Variants in CRPPA observed in about 807,000 individuals in gnomAD.
CRPPA encodes the protein CDP-L-ribitol pyrophosphorylase A, also known as D-ribitol-5-phosphate cytidylyltransferase.
Under a neutral mutation model 52.0 loss-of-function variants are expected in CRPPA, and 43 were observed. The ratio of observed to expected loss-of-function variants is 0.83; its 90% CI spans 0.65 to 1.07. The LOEUF (loss-of-function observed/expected upper bound fraction) is 1.07. Ranked by LOEUF, CRPPA falls within the 50% of genes least tolerant of loss-of-function variation. The pLI is 0.00. For synonymous variants in CRPPA, 250 were observed against 203.5 expected (o/e 1.23, Z -1.94); for missense variants, 629 against 551.7 (o/e 1.14, Z -1.40).
intron 9 of CRPPA, among the ~76,000 whole-genome samples, chr7:16,190,241 T>G (rs1781580729): frequency 6.6e-6 from 1 of 152,202 alleles, no homozygotes; most frequent in Non-Finnish European, 1.5e-5. Context: ...AGGTTTCATT[T>G]GAAGTTGTCC....
chr7:16,381,277 C>A (rs1003222218), intron 2 of CRPPA, among the ~76,000 whole-genome samples: 2 of 152,114 alleles, frequency 1.3e-5, no homozygotes, highest in African/African-American at 4.8e-5. Flanking sequence ...GCAGGTTGTT[C>A]AGTTTCCATG....
chr7:16,409,307 A>T (rs922503654), intron 1 of CRPPA, among the ~76,000 whole-genome samples: 1 of 152,230 alleles, frequency 6.6e-6, no homozygotes, highest in Non-Finnish European at 1.5e-5. Context: ...AACTAAATTG[A>T]GACTTCTGAC....
intron 5 of CRPPA, among the ~76,000 whole-genome samples, chr7:16,287,521 C>T (rs1485320043): frequency 1.3e-5 from 2 of 152,078 alleles, no homozygotes; most frequent in East Asian, 1.9e-4. Context: ...GGAATCCTAC[C>T]CACCAGTATA....
chr7:16,345,112 G>T (rs1419240320), intron 3 of CRPPA, among the ~76,000 whole-genome samples: 1 of 152,090 alleles, frequency 6.6e-6, no homozygotes, highest in Non-Finnish European at 1.5e-5. Context: ...AGTAGTAAGA[G>T]CTACTCATCA....
intron 2 of CRPPA, among the ~76,000 whole-genome samples, chr7:16,399,169 C>T (rs545232613): frequency 5.9e-5 from 9 of 152,306 alleles, no homozygotes; most frequent in Admixed American, 3.9e-4. Flanking sequence ...CACATGAACA[C>T]GTGACATGAC....
intron 8 of CRPPA, 107 bp from the exon 9 acceptor site, chr7:16,216,304 A>C: frequency 1.5e-6 from 1 of 647,946 alleles, no homozygotes. Flanking sequence ...ATATTGCAAT[A>C]ATCTTTATTA....
intron 9 of CRPPA, among the ~76,000 whole-genome samples, chr7:16,122,558 A>G (rs1434318110): frequency 6.6e-6 from 1 of 152,118 alleles, no homozygotes; most frequent in Non-Finnish European, 1.5e-5. Context: ...TTTCTATAAC[A>G]TGAAAAATGA....
chr7:16,305,815 G>A (rs532696703), intron 4 of CRPPA, among the ~76,000 whole-genome samples: 1 of 152,328 alleles, frequency 6.6e-6, no homozygotes, highest in Admixed American at 6.5e-5. Flanking sequence ...CAGGGAGTCG[G>A]AGGTTGCAGT....
intron 8 of CRPPA, among the ~76,000 whole-genome samples, chr7:16,254,830 A>AAAGAAAGAAAG (rs1491104280): frequency 1.3e-5 from 2 of 148,576 alleles, no homozygotes; most frequent in African/African-American, 4.9e-5. Flanking sequence ...AGAAAGAAAG[A>AAAGAAAGAAAG]AAGAAAGAAA....
chr7:16,213,451 T>A (rs991443714), intron 9 of CRPPA, among the ~76,000 whole-genome samples: 22 of 152,022 alleles, frequency 1.4e-4, no homozygotes, highest in Non-Finnish European at 2.4e-4. Flanking sequence ...AATTTTTTTT[T>A]AAAAAACAAA....
chr7:16,277,620 C>G (rs554174343), intron 6 of CRPPA, among the ~76,000 whole-genome samples: 4 of 152,236 alleles, frequency 2.6e-5, no homozygotes, highest in African/African-American at 9.6e-5. Flanking sequence ...TTCCTATAGA[C>G]ACCCTCACAC....
chr7:16,095,862 T>A (rs372955146), intron 9 of CRPPA, among the ~76,000 whole-genome samples: 31 of 152,244 alleles, frequency 2.0e-4, no homozygotes, highest in African/African-American at 7.5e-4. Flanking sequence ...CTTGGCCAGC[T>A]CCTAACTGTG....
chr7:16,282,773 CT>C (rs1171252337), intron 5 of CRPPA, among the ~76,000 whole-genome samples: 2 of 151,974 alleles, frequency 1.3e-5, no homozygotes, highest in Admixed American at 6.6e-5. Flanking sequence ...TATGGTGGAT[CT>C]GTTATTGTGT....
At position 16,087,958 on chromosome 7, in the gene CRPPA, G is replaced by C. The variant is rs1328718828; in HGVS notation, c.*3737C>G. The C allele has an allele frequency of 3.9e-5, 6 of 152,096 alleles. No homozygotes were observed. Among genetic ancestry groups the C allele is most frequent in the Admixed American group, 3.9e-4 (6 of 15,278 alleles). The allele number at this position is 152,096 out of a possible 1,614,324, so 9.4% of individuals were successfully genotyped here. On this transcript the variant is annotated 3_prime_UTR_variant, in exon 10 of 10. Coordinates refer to ENST00000407010, the MANE Select transcript of CRPPA (RefSeq NM_001101426.4). The stretch of plus-strand genomic sequence containing the variant: ...AAGATGATCACTGTATTTACATAAA[G>C]TTGAGTTATAAGTTAGGGAAGAAAA...
chr7:16,322,196 C>T (rs1785280062), intron 3 of CRPPA, among the ~76,000 whole-genome samples: 1 of 152,050 alleles, frequency 6.6e-6, no homozygotes, highest in African/African-American at 2.4e-5. Flanking sequence ...GTAATATTGG[C>T]TTTGGAAGCT....
chr7:16,230,976 G>T (rs1562572682), intron 8 of CRPPA, among the ~76,000 whole-genome samples: 1 of 152,130 alleles, frequency 6.6e-6, no homozygotes, highest in Non-Finnish European at 1.5e-5. Flanking sequence ...CTGAAGCCTG[G>T]GGCTCTGGGG....
chr7:16,279,791 G>A (rs565761696), intron 5 of CRPPA, among the ~76,000 whole-genome samples: 37 of 152,292 alleles, frequency 2.4e-4, no homozygotes, highest in African/African-American at 6.7e-4. Context: ...TCACATAAAC[G>A]TAGTGTGACC....
chr7:16,336,558 CAAA>C lies in CRPPA; in HGVS notation c.685-27934_685-27932del, dbSNP rs36099524. Among the ~76,000 whole-genome samples the C allele has an allele frequency of 4.1e-4, 56 of 135,646 alleles. 1 individual carries two copies. The highest frequency in any genetic ancestry group is 1.3e-3 in the East Asian group (6 of 4,678). 89.0% of individuals were successfully genotyped at this position (135,646 alleles called of 152,430 possible). A position where few individuals can be genotyped will look rare whatever the true frequency, so the allele number is the denominator to read the frequency against. On this transcript the variant is annotated intron_variant, in intron 3 of 9. Coordinates refer to ENST00000407010, the MANE Select transcript of CRPPA (RefSeq NM_001101426.4). ...TTCATAAAACCACAAAGGAAAAGAG[CAAA>C]AAAAAAAAAAAGGAAAGAAGGAACC... is the stretch of plus-strand genomic sequence containing the variant.
At chr7:16,334,491 C>G (rs1053613325) in intron 3 of CRPPA, among the ~76,000 whole-genome samples, 2 of 152,144 alleles carry the variant, frequency 1.3e-5, no homozygotes, top group African/African-American at 4.8e-5. Flanking sequence ...TTCACACATA[C>G]CTGAAGCATA....
Sources: gnomAD v4.1 joint callset for allele counts (sites outside exome capture counted in the v4.1 genomes callset) on GRCh38, gnomAD v4.1.1 for gene constraint, MANE v1.5 for transcripts, NCBI Gene and HGNC (gene_info 2026-07-23, HGNC 2026-07-21) for gene names.